The following DIP2B variants were observed in gnomAD, a reference collection of about 807,000 sequenced individuals.
The protein encoded by DIP2B is DIP2 acetate--CoA ligase B (putative), also known as disco-interacting protein 2 homolog B.
In DIP2B, 76 loss-of-function variants were observed where a neutral mutation model predicts 198.0. The observed-to-expected ratio is 0.38, with a 90% CI of 0.32 to 0.46. The LOEUF is 0.46. Ranked by LOEUF, DIP2B falls within the 20% of genes least tolerant of loss-of-function variation. DIP2B has a pLI of 0.99. For missense variants in DIP2B, 1,559 were observed against 1,978.4 expected (o/e 0.79, Z 4.02); for synonymous variants, 701 against 739.1 (o/e 0.95, Z 0.84).
At chr12:50,510,267 T>C (rs1219521772) in intron 1 of DIP2B, among the ~76,000 whole-genome samples, 3 of 152,238 alleles carry the variant, frequency 2.0e-5, no homozygotes, top group African/African-American at 7.2e-5. Context: ...ACAAATTCAC[T>C]GGAAGAATGA....
intron 3 of DIP2B, among the ~76,000 whole-genome samples, chr12:50,654,653 G>C (rs1182913814): frequency 3.3e-5 from 5 of 151,950 alleles, no homozygotes; most frequent in African/African-American, 4.8e-5. Context: ...CACCTGGCCC[G>C]AAAATATAAG....
In DIP2B at chr12:50,586,399, G is replaced by A. The variant is rs150101534; in HGVS notation, c.101-39577G>A. ...GGCAGTCAAGGAGAATGCCCAAAAA[G>A]TGATGGGACTTTCCCAAACTTGTAC... On this transcript the variant is annotated intron_variant, in intron 1 of 37. Coordinates refer to ENST00000301180, the MANE Select transcript of DIP2B (RefSeq NM_173602.3). Among the ~76,000 whole-genome samples, 28 of 152,214 alleles carry A rather than the reference G, an allele frequency of 1.8e-4. No homozygotes were observed. The East Asian group carries it at 5.2e-3, about 28-fold the overall frequency.
chr12:50,574,508 C>G (rs1043041034), intron 1 of DIP2B, among the ~76,000 whole-genome samples: 13 of 152,182 alleles, frequency 8.5e-5, no homozygotes, highest in Non-Finnish European at 1.3e-4. Flanking sequence ...GTATGCAGAC[C>G]CTCCACTCAA....
intron 20 of DIP2B, among the ~76,000 whole-genome samples, chr12:50,705,000 T>C (rs1346722769): frequency 6.6e-6 from 1 of 152,072 alleles, no homozygotes; most frequent in Non-Finnish European, 1.5e-5. Flanking sequence ...ACACAGTATT[T>C]ATAGGTACAA....
At chr12:50,602,628 A>T (rs978245842) in intron 1 of DIP2B, among the ~76,000 whole-genome samples, 1 of 152,090 alleles carries the variant, frequency 6.6e-6, no homozygotes, top group Non-Finnish European at 1.5e-5. Context: ...TGGGAGGCCG[A>T]GGCTGGCGGA....
At position 50,505,062 on chromosome 12, in the gene DIP2B, G is replaced by C. The variant is rs904763327; in HGVS notation, c.-79G>C. Reference sequence around the variant, plus strand: ...TCGGCGGCCGGAGCCGGATCCTGTAGCCGGGTGTGGGCCCGTGTCTGTCCG... The same window carrying C: ...TCGGCGGCCGGAGCCGGATCCTGTACCCGGGTGTGGGCCCGTGTCTGTCCG... On this transcript the variant is annotated 5_prime_UTR_variant, in exon 1 of 38. It removes the in-frame stop codon of an upstream open reading frame in the 5' UTR. Transcript: ENST00000301180. 3 of 1,392,266 alleles carry C rather than the reference G, an allele frequency of 2.2e-6. No homozygotes were observed. The highest frequency in any genetic ancestry group is 2.9e-6 in the Non-Finnish European group (3 of 1,025,804). The allele number at this position is 1,392,266 out of a possible 1,614,324, so 86.2% of individuals were successfully genotyped here.
At chr12:50,633,960 C>A (rs770353954) in intron 2 of DIP2B, among the ~76,000 whole-genome samples, 1 of 152,102 alleles carries the variant, frequency 6.6e-6, no homozygotes. Context: ...TGTCTTTTAA[C>A]AAATTAAAAT....
At chr12:50,664,172 C>T (rs766369229) in intron 4 of DIP2B, among the ~76,000 whole-genome samples, 1 of 152,010 alleles carries the variant, frequency 6.6e-6, no homozygotes, top group South Asian at 2.1e-4. Context: ...TAGAGCTGCT[C>T]TTTTTGAGGG....
rs1248026272 is a variant in DIP2B at position 50,698,481 on chromosome 12, A to G, written c.2188+14A>G. ...TAATGCCTGGTGGTGAGTCGCAAGG[A>G]GCATCATTTGGTTTTTCATAAAGAT... On this transcript the variant is annotated intron_variant, in intron 18 of 37. Transcript: ENST00000301180. 3.1e-6 allele frequency: 5 copies of G among 1,600,906 alleles called. No homozygotes were observed. The African/African-American group carries it at 6.7e-5, about 21-fold the overall frequency.
chr12:50,738,366 C>T (rs921841049), intron 35 of DIP2B, among the ~76,000 whole-genome samples: 4 of 152,120 alleles, frequency 2.6e-5, no homozygotes, highest in African/African-American at 9.7e-5. Flanking sequence ...GGTGCAGTGG[C>T]TCAGGCCTGT....
chr12:50,594,400 G>A (rs1958861156), intron 1 of DIP2B, among the ~76,000 whole-genome samples: 1 of 152,164 alleles, frequency 6.6e-6, no homozygotes, highest in Admixed American at 6.6e-5. Context: ...ATACCTATAA[G>A]AATAGTGTTT....
At chr12:50,576,681 C>T (rs1182385602) in intron 1 of DIP2B, among the ~76,000 whole-genome samples, 1 of 151,842 alleles carries the variant, frequency 6.6e-6, no homozygotes, top group Non-Finnish European at 1.5e-5. Flanking sequence ...CAGGGTTTCA[C>T]CATGTTAGCC....
chr12:50,728,496 C>G, intron 29 of DIP2B, 52 bp from the exon 30 acceptor site: 1 of 1,578,132 alleles, frequency 6.3e-7, no homozygotes, highest in South Asian at 1.2e-5. Context: ...AGAGCTGTTA[C>G]TCTGCCTGTG....
Position 50,660,108 on chromosome 12 carries a change from A to G in DIP2B, c.302-86A>G, listed in dbSNP as rs937116762. On this transcript the variant is annotated intron_variant, in intron 3 of 37. Coordinates refer to ENST00000301180, the MANE Select transcript of DIP2B (RefSeq NM_173602.3). The stretch of plus-strand genomic sequence containing the variant: ...CCTTTACCTTTTTTTTTTTTTTTAA[A>G]CAATTGAGGCAGTGATAGTTCAGCT... 32 of 1,261,580 alleles carry G rather than the reference A, an allele frequency of 2.5e-5. No homozygotes were observed. In the Admixed American group the frequency reaches 9.1e-4, roughly 36 times the overall value. The allele number at this position is 1,261,580 out of a possible 1,614,324, so 78.1% of individuals were successfully genotyped here.
chr12:50,511,395 G>A lies in DIP2B; in HGVS notation c.100+6155G>A, dbSNP rs950951152. Among the ~76,000 whole-genome samples the A allele has an allele frequency of 1.6e-4, 22 of 138,974 alleles. No individual in the cohort carries two copies. In the South Asian group the frequency reaches 4.7e-3, roughly 30 times the overall value. 91.2% of individuals were successfully genotyped at this position (138,974 alleles called of 152,430 possible). On this transcript the variant is annotated intron_variant, in intron 1 of 37. Coordinates refer to ENST00000301180, the MANE Select transcript of DIP2B (RefSeq NM_173602.3). ...CAACCCCCGCCTTCCGGGCTCAAGC[G>A]ATTCTCCTGCCTCAGCCTCCCCAAT...
At chr12:50,582,180 T>G (rs1184788435) in intron 1 of DIP2B, among the ~76,000 whole-genome samples, 6 of 142,598 alleles carry the variant, frequency 4.2e-5, no homozygotes, top group Non-Finnish European at 4.5e-5. Context: ...GAGTGGAGTT[T>G]CGTTCTTTTT....
Position 50,695,368 on chromosome 12 carries a change from C to G in DIP2B, c.1813+8C>G. Reference sequence around the variant, plus strand: ...GAGTACATGCTCACAAAGGTAGTCACCTGCAACATCTGAGCTTTAATTATG... The same window carrying G: ...GAGTACATGCTCACAAAGGTAGTCAGCTGCAACATCTGAGCTTTAATTATG... On this transcript the variant is annotated splice_region_variant and intron_variant, in intron 15 of 37. Coordinates refer to ENST00000301180, the MANE Select transcript of DIP2B (RefSeq NM_173602.3). 1 of 1,603,184 alleles carries G rather than the reference C, an allele frequency of 6.2e-7. No homozygotes were observed. Among genetic ancestry groups the G allele is most frequent in the Non-Finnish European group, 8.5e-7 (1 of 1,172,504 alleles).
At position 50,723,267 on chromosome 12, in the gene DIP2B, C is replaced by G; in HGVS notation, c.3232C>G (p.Pro1078Ala). 2 of 1,614,210 alleles carry G rather than the reference C, an allele frequency of 1.2e-6. No homozygotes were observed. Among genetic ancestry groups the G allele is most frequent in the African/African-American group, 2.7e-5 (2 of 75,040 alleles). ...YAGCIPVTVR[P>A]PHAQNLTATL... Reference sequence around the variant, plus strand: ...GGGCTGTATACCTGTGACCGTCAGACCTCCACATGCTCAGAACCTCACGGC... The same window carrying G: ...GGGCTGTATACCTGTGACCGTCAGAGCTCCACATGCTCAGAACCTCACGGC... The change falls in exon 27 of 38, where the codon CCT becomes GCT. Residue 1078 changes from proline to alanine, a missense_variant. Coordinates refer to ENST00000301180, the MANE Select transcript of DIP2B (RefSeq NM_173602.3).
At position 50,565,981 on chromosome 12, in the gene DIP2B, GA is replaced by G. The variant is rs2139402429; in HGVS notation, c.101-59990del. ...TTTAAACAGTGAAATTTTTATTTTA[GA>G]AAAATTTTAGTTTTACAGAAAAATC... On this transcript the variant is annotated intron_variant, in intron 1 of 37. Transcript: ENST00000301180. 2.0e-5 allele frequency among the ~76,000 whole-genome samples: 3 copies of G among 151,788 alleles called. No individual in the cohort carries two copies. The South Asian group carries it at 6.2e-4, about 32-fold the overall frequency.
Sources: gnomAD v4.1 joint callset for allele counts (sites outside exome capture counted in the v4.1 genomes callset) on GRCh38, gnomAD v4.1.1 for gene constraint, MANE v1.5 for transcripts, NCBI Gene and HGNC (gene_info 2026-07-23, HGNC 2026-07-21) for gene names.